Variants in COL5A2 observed in about 807,000 individuals in gnomAD.
COL5A2 encodes collagen type V alpha 2 chain, also known as collagen alpha-2(V) chain.
COL5A2 carries 23 observed loss-of-function variants against 208.2 expected under a neutral mutation model. The ratio of observed to expected loss-of-function variants is 0.11; its 90% CI spans 0.08 to 0.16. COL5A2 has a LOEUF of 0.16. Among genes scored for constraint, COL5A2 ranks in the 10% least tolerant of loss-of-function variants. The probability of loss-of-function intolerance (pLI) is 1.00; values close to 1 mark genes in which losing one functional copy is unlikely to be tolerated. For synonymous variants in COL5A2, 625 were observed against 628.5 expected (o/e 0.99, Z 0.08); for missense variants, 1,590 against 1,956.4 (o/e 0.81, Z 3.53).
the COL5A2 span, among the ~76,000 whole-genome samples, chr2:189,248,461 T>C: frequency 2.6e-5 from 4 of 152,168 alleles, no homozygotes; most frequent in African/African-American, 4.8e-5. Flanking sequence ...AGAAAAATAA[T>C]TTAAAATGAA....
At chr2:189,406,907 G>C in the COL5A2 span, among the ~76,000 whole-genome samples, 13 of 152,056 alleles carry the variant, frequency 8.5e-5, no homozygotes, top group Non-Finnish European at 1.6e-4. Flanking sequence ...GAAGAAACTG[G>C]AAGGATCACT....
At chr2:189,109,299 T>C (rs1033518813) in intron 2 of COL5A2, among the ~76,000 whole-genome samples, 1 of 152,124 alleles carries the variant, frequency 6.6e-6, no homozygotes, top group Non-Finnish European at 1.5e-5. Flanking sequence ...TAATTCTTTC[T>C]TTTATATATT....
At chr2:189,118,373 C>A (rs1687437426) in intron 1 of COL5A2, among the ~76,000 whole-genome samples, 1 of 151,782 alleles carries the variant, frequency 6.6e-6, no homozygotes, top group African/African-American at 2.4e-5. Flanking sequence ...ATCAATTTAA[C>A]TCTGTATTTT....
chr2:189,115,878 T>A (rs943905357), intron 1 of COL5A2, among the ~76,000 whole-genome samples: 1 of 152,228 alleles, frequency 6.6e-6, no homozygotes, highest in African/African-American at 2.4e-5. Flanking sequence ...CCCTAATCTT[T>A]CCAGAGAGGA....
chr2:189,092,526 A>C (rs1210770586), intron 6 of COL5A2, 106 bp from the exon 7 acceptor site: 9 of 756,176 alleles, frequency 1.2e-5, no homozygotes, highest in Non-Finnish European at 2.1e-5. Context: ...ATTATTTTAA[A>C]AATACATGGC....
At chr2:189,274,645 C>A in the COL5A2 span, among the ~76,000 whole-genome samples, 1 of 151,942 alleles carries the variant, frequency 6.6e-6, no homozygotes, top group Admixed American at 6.6e-5. Context: ...ACTACATAAG[C>A]AAATAATTTT....
rs186388614 is a variant in COL5A2, at chr2:189,093,251, T to C, written c.457-831A>G. On this transcript the variant is annotated intron_variant, in intron 6 of 53. Coordinates refer to ENST00000374866, the MANE Select transcript of COL5A2 (RefSeq NM_000393.5). Reference sequence around the variant, plus strand: ...TTCCCACAAGGCTAGTTAAGTATTTTCTGGCTCCTTAACCCTAAAGAATCT... The same window carrying C: ...TTCCCACAAGGCTAGTTAAGTATTTCCTGGCTCCTTAACCCTAAAGAATCT... Among the ~76,000 whole-genome samples the C allele has an allele frequency of 8.5e-5, 13 of 152,340 alleles. No homozygotes were observed. In the East Asian group the frequency reaches 1.5e-3, roughly 18 times the overall value.
In COL5A2 at chr2:189,035,153, G is replaced by A. The variant is rs755092575; in HGVS notation, c.4116C>T (p.Phe1372=). ...TAGGTGATTGGTGGTCTCCATAAGC[G>A]AACTAGAAAAACAAAGAGTCTTTGT... ...YGLDMNRGSQ[F]AYGDHQSPNT... Residue 1372 remains phenylalanine, a splice_region_variant and synonymous_variant, in exon 53 of 54, where the codon TTC becomes TTT. Transcript: ENST00000374866. 6.2e-6 allele frequency: 10 copies of A among 1,613,622 alleles called. No individual in the cohort carries two copies. The highest frequency in any genetic ancestry group is 2.7e-5 in the African/African-American group (2 of 74,880).
chr2:189,129,061 G>T (rs1248038845), intron 1 of COL5A2, among the ~76,000 whole-genome samples: 1 of 151,848 alleles, frequency 6.6e-6, no homozygotes, highest in African/African-American at 2.4e-5. Context: ...GTGAATATAA[G>T]AAGTCTCAAA....
intron 13 of COL5A2, among the ~76,000 whole-genome samples, chr2:189,080,546 C>T (rs192797433): frequency 2.1e-3 from 326 of 152,224 alleles, no homozygotes; most frequent in African/African-American, 6.7e-3. Context: ...ATAATAGTTA[C>T]ATCGTAATTA....
chr2:189,032,434 A>T lies in COL5A2; in HGVS notation c.*1636T>A, dbSNP rs1685353801. On this transcript the variant is annotated 3_prime_UTR_variant, in exon 54 of 54. Coordinates refer to ENST00000374866, the MANE Select transcript of COL5A2 (RefSeq NM_000393.5). ...CTTTTAAACAAATGGCAAACAAAGT[A>T]TACCACCACATCTCCTTTTCACTAT... 6.6e-6 allele frequency: 1 copy of T among 152,186 alleles called. No individual in the cohort carries two copies. Among genetic ancestry groups the T allele is most frequent in the Admixed American group, 6.6e-5 (1 of 15,258 alleles). 9.4% of individuals were successfully genotyped at this position (152,186 alleles called of 1,614,324 possible).
At chr2:189,382,282 G>A in the COL5A2 span, among the ~76,000 whole-genome samples, 3 of 152,028 alleles carry the variant, frequency 2.0e-5, no homozygotes, top group South Asian at 4.1e-4. Context: ...ACCCGAGCCC[G>A]GGGAGGTCAA....
the COL5A2 span, among the ~76,000 whole-genome samples, chr2:189,338,659 A>T: frequency 3.4e-5 from 5 of 148,848 alleles, no homozygotes; most frequent in Admixed American, 6.7e-5. Context: ...AAGGTATAAT[A>T]TTATAAAATG....
chr2:189,187,746 A>G (rs1688870711), intron 1 of COL5A2, among the ~76,000 whole-genome samples: 1 of 152,034 alleles, frequency 6.6e-6, no homozygotes, highest in African/African-American at 2.4e-5. Flanking sequence ...CGAGGCGGGC[A>G]GATCACGAGT....
intron 1 of COL5A2, among the ~76,000 whole-genome samples, chr2:189,142,906 CTATTCT>C (rs1687961178): frequency 6.6e-6 from 1 of 152,206 alleles, no homozygotes; most frequent in Admixed American, 6.5e-5. Flanking sequence ...ACCTACTTGA[CTATTCT>C]CTGGGCTATT....
At chr2:189,150,472 A>G (rs1412203635) in intron 1 of COL5A2, among the ~76,000 whole-genome samples, 1 of 152,180 alleles carries the variant, frequency 6.6e-6, no homozygotes, top group Non-Finnish European at 1.5e-5. Context: ...TGGACATGCT[A>G]ATTTTTTATG....
At chr2:189,416,414 A>G in the COL5A2 span, among the ~76,000 whole-genome samples, 1 of 152,220 alleles carries the variant, frequency 6.6e-6, no homozygotes, top group African/African-American at 2.4e-5. Context: ...CTTTGTAGGG[A>G]CATGGATGAA....
chr2:189,215,936 G>T (rs2105873031), intron 1 of COL5A2, among the ~76,000 whole-genome samples: 1 of 152,204 alleles, frequency 6.6e-6, no homozygotes. Flanking sequence ...CAGCAAAAAT[G>T]GTTACAGGTG....
intron 3 of COL5A2, among the ~76,000 whole-genome samples, chr2:189,101,616 G>A (rs958724157): frequency 6.6e-6 from 1 of 152,042 alleles, no homozygotes; most frequent in Non-Finnish European, 1.5e-5. Context: ...TCACCAAATT[G>A]TACTACTAAA....
Sources: allele counts gnomAD v4.1 joint callset (sites outside exome capture counted in the v4.1 genomes callset), GRCh38; gene constraint gnomAD v4.1.1; transcripts MANE v1.5; gene names NCBI Gene and HGNC (gene_info 2026-07-23, HGNC 2026-07-21).